Variants in RGS20 observed in about 807,000 individuals in gnomAD.
The protein encoded by RGS20 is gz-selective GTPase-activating protein.
RGS20 carries 30 observed loss-of-function variants against 33.6 expected under a neutral mutation model. The observed-to-expected ratio is 0.89, with a 90% CI of 0.67 to 1.21. RGS20 has a LOEUF of 1.21. RGS20 is among the 50% of genes most tolerant of loss of function. RGS20 has a pLI of 0.00. For missense variants in RGS20, 472 were observed against 502.4 expected (o/e 0.94, Z 0.58); for synonymous variants, 208 against 197.9 (o/e 1.05, Z -0.43).
chr8:53,939,718 G>T lies in RGS20; in HGVS notation c.653G>T (p.Cys218Phe), dbSNP rs1346422656. 1.9e-6 allele frequency: 3 copies of T among 1,555,352 alleles called. No homozygotes were observed. Among genetic ancestry groups the T allele is most frequent in the Non-Finnish European group, 1.7e-6 (2 of 1,148,806 alleles). ...TTCTGCTGGTGCTGCTGTTGTAGCT[G>T]CTCGTGGTAAGGTTTGGGGCTTTTT... Residue 218 changes from cysteine (C) to phenylalanine (F), a missense_variant, in exon 3 of 6, where the codon TGC (cysteine) becomes TTC (phenylalanine). Around this residue, in one of 3 missense-constraint regions of RGS20, gnomAD observed 319 missense variants for 283.4 expected, o/e 1.13. Coordinates refer to ENST00000297313, the MANE Select transcript of RGS20 (RefSeq NM_170587.4).
At chr8:53,921,623 A>G (rs557151383) in intron 2 of RGS20, among the ~76,000 whole-genome samples, 1 of 151,896 alleles carries the variant, frequency 6.6e-6, no homozygotes, top group South Asian at 2.1e-4. Flanking sequence ...TAAGTTTTCT[A>G]ATTAGTTGGC....
At chr8:53,863,145 G>T (rs766705886) in intron 1 of RGS20, among the ~76,000 whole-genome samples, 1 of 152,026 alleles carries the variant, frequency 6.6e-6, no homozygotes, top group African/African-American at 2.4e-5. Context: ...GTGCCACCAT[G>T]CCCGGCTAAT....
rs141814308 is a variant in RGS20 at position 53,877,028 on chromosome 8, C to T, written c.166-2230C>T. 3.3e-5 allele frequency among the ~76,000 whole-genome samples: 5 copies of T among 152,274 alleles called. No individual in the cohort carries two copies. The highest frequency in any genetic ancestry group is 1.3e-4 in the Admixed American group (2 of 15,298). ...GAAGGGAGAAAGGAGGTTACGAGTT[C>T]GCACGTTCTCACAAAACCATTTGAA... is the stretch of plus-strand genomic sequence containing the variant. On this transcript the variant is annotated intron_variant, in intron 1 of 5. Coordinates refer to ENST00000297313, the MANE Select transcript of RGS20 (RefSeq NM_170587.4). The surrounding 1 kb of genome is among the most constrained non-coding windows in gnomAD (Gnocchi z 5.7).
chr8:53,868,157 G>A (rs1323171321), intron 1 of RGS20, among the ~76,000 whole-genome samples: 3 of 152,100 alleles, frequency 2.0e-5, no homozygotes, highest in African/African-American at 7.2e-5. Context: ...GTGTAGGCTT[G>A]GAAATATGGG....
Position 53,958,405 on chromosome 8 carries a change from GCTGTCT to G in RGS20, c.1115_1120del (p.Ala372_Tyr374delinsAsp), listed in dbSNP as rs754509807. On this transcript the variant is annotated inframe_deletion, in exon 6 of 6. Transcript: ENST00000297313. ...CTCATATCCTCGATTCATGAACTCT[GCTGTCT>G]ATAAGGACTTGCTTCAGTCCTTATC... 1 of 1,612,770 alleles carries G rather than the reference GCTGTCT, an allele frequency of 6.2e-7. No individual in the cohort carries two copies. The highest frequency in any genetic ancestry group is 1.1e-5 in the South Asian group (1 of 90,946).
chr8:53,922,750 C>T (rs1030310952), intron 2 of RGS20, among the ~76,000 whole-genome samples: 9 of 152,082 alleles, frequency 5.9e-5, no homozygotes, highest in Non-Finnish European at 1.5e-5. Flanking sequence ...ATAGCTCGAA[C>T]TCCTGGGCTC....
chr8:53,949,504 G>A (rs929362642), intron 4 of RGS20, among the ~76,000 whole-genome samples: 6 of 151,846 alleles, frequency 4.0e-5, no homozygotes, highest in African/African-American at 1.2e-4. Flanking sequence ...ATCACCTGAG[G>A]TCAGGAGTTT....
chr8:53,861,561 A>G (rs117316130), intron 1 of RGS20, among the ~76,000 whole-genome samples: 2,307 of 152,366 alleles, frequency 0.015, 11 homozygotes, highest in Non-Finnish European at 0.022. Context: ...ATTCTGTAAT[A>G]AATCTGCTGT....
intron 1 of RGS20, among the ~76,000 whole-genome samples, chr8:53,869,748 G>A (rs147575676): frequency 2.2e-4 from 34 of 152,162 alleles, no homozygotes; most frequent in South Asian, 1.2e-3. Context: ...TGTCAGGACC[G>A]GTAGGCTACA....
intron 1 of RGS20, among the ~76,000 whole-genome samples, chr8:53,869,787 T>C (rs371934959): frequency 1.3e-5 from 2 of 152,130 alleles, no homozygotes; most frequent in African/African-American, 4.8e-5. Context: ...AAAGGTTTAT[T>C]GATCACATAT....
chr8:53,947,065 T>C (rs1204307192), intron 4 of RGS20, among the ~76,000 whole-genome samples: 1 of 147,462 alleles, frequency 6.8e-6, no homozygotes, highest in African/African-American at 2.5e-5. Flanking sequence ...ATCATATAAT[T>C]TTATATAAGA....
intron 1 of RGS20, among the ~76,000 whole-genome samples, chr8:53,866,212 G>A (rs1346175749): frequency 6.6e-6 from 1 of 152,150 alleles, no homozygotes; most frequent in Non-Finnish European, 1.5e-5. Flanking sequence ...GAACATGAAT[G>A]TATGGTGCTT....
At chr8:53,948,710 A>T (rs371932513) in intron 4 of RGS20, among the ~76,000 whole-genome samples, 8 of 121,310 alleles carry the variant, frequency 6.6e-5, no homozygotes, top group Non-Finnish European at 9.9e-5. Context: ...ATGCTATATA[A>T]GATACAGTAC....
intron 2 of RGS20, among the ~76,000 whole-genome samples, chr8:53,917,338 AG>A (rs1264519030): frequency 6.6e-6 from 1 of 152,008 alleles, no homozygotes. Flanking sequence ...CAGTAGAGAC[AG>A]GGTTTCACCA....
intron 2 of RGS20, among the ~76,000 whole-genome samples, chr8:53,926,827 C>G (rs547374664): frequency 1.3e-4 from 20 of 152,130 alleles, no homozygotes; most frequent in African/African-American, 2.7e-4. Flanking sequence ...GCAGGAGAAT[C>G]GCTTGAACCC....
At chr8:53,948,211 A>ATAT (rs1491240899) in intron 4 of RGS20, among the ~76,000 whole-genome samples, 3 of 85,650 alleles carry the variant, frequency 3.5e-5, no homozygotes, top group Admixed American at 1.3e-4. Flanking sequence ...TGCTATATAT[A>ATAT]AGATAGTATA....
chr8:53,868,633 T>C (rs1018049494), intron 1 of RGS20, among the ~76,000 whole-genome samples: 3 of 152,118 alleles, frequency 2.0e-5, no homozygotes, highest in African/African-American at 7.2e-5. Context: ...TACTATTCTC[T>C]AGGAATAGCT....
At chr8:53,903,507 G>A (rs1813087332) in intron 2 of RGS20, among the ~76,000 whole-genome samples, 5 of 152,266 alleles carry the variant, frequency 3.3e-5, no homozygotes, top group Admixed American at 2.6e-4. Context: ...ACAGGAGACG[G>A]CACCCAGGAA....
At position 53,928,863 on chromosome 8, in the gene RGS20, G is replaced by A. The variant is rs565670231; in HGVS notation, c.511-10713G>A. Among the ~76,000 whole-genome samples the A allele has an allele frequency of 1.5e-3, 235 of 152,072 alleles. 2 individuals are homozygous for A. The highest frequency in any genetic ancestry group is 1.6e-3 in the Admixed American group (25 of 15,254). ...ATTTTCATGTTCGAAAGAAGACAAT[G>A]TCTTATATATCTAAACTTTTCAGCA... On this transcript the variant is annotated intron_variant, in intron 2 of 5. Transcript: ENST00000297313.
Sources: gnomAD v4.1 joint callset for allele counts (sites outside exome capture counted in the v4.1 genomes callset) on GRCh38, gnomAD v4.1.1 for gene constraint, gnomAD v4.1.1 regional missense constraint, Gnocchi (gnomAD v3.1) non-coding constraint, MANE v1.5 for transcripts, NCBI Gene and HGNC (gene_info 2026-07-23, HGNC 2026-07-21) for gene names.